The following SHLD2 variants were observed in gnomAD, a reference collection of about 807,000 sequenced individuals.
SHLD2 encodes the protein RINN1-REV7-interacting novel NHEJ regulator 2.
A neutral mutation model predicts 73.2 loss-of-function variants in SHLD2; 30 were observed. The ratio of observed to expected loss-of-function variants is 0.41; its 90% CI spans 0.31 to 0.56. The LOEUF (loss-of-function observed/expected upper bound fraction) is 0.56, where lower values mean the gene tolerates loss of function less well. SHLD2 is among the 20% of genes least tolerant of loss of function. The pLI, the probability that SHLD2 is intolerant of heterozygous loss-of-function variation, is 0.28. For synonymous variants in SHLD2, 285 were observed against 370.1 expected (o/e 0.77, Z 2.64); for missense variants, 745 against 1,055.9 (o/e 0.71, Z 4.08).
At chr10:87,099,985 G>GT (rs548671278) in intron 2 of SHLD2, among the ~76,000 whole-genome samples, 23 of 151,190 alleles carry the variant, frequency 1.5e-4, no homozygotes, top group African/African-American at 2.7e-4. Flanking sequence ...ATTTGTAAGA[G>GT]TTTTTTTTTA....
intron 7 of SHLD2, among the ~76,000 whole-genome samples, chr10:87,177,794 C>T (rs1301054604): frequency 3.3e-5 from 5 of 152,078 alleles, no homozygotes; most frequent in South Asian, 2.1e-4. Context: ...CTCATCTTAC[C>T]GCCAGCAGAA....
rs1848211792 is a variant in SHLD2, at chr10:87,180,152, C to T, written c.2248C>T (p.His750Tyr). ...ATCTCAGAAGATAGCGCTAAATGCT[C>T]ACAGTTCTCTGAAGAGTATTTTTTC... ...TASQKIALNAHSSLKSIFSSL... is the reference protein window; with the variant it reads ...TASQKIALNAYSSLKSIFSSL... The change falls in exon 8 of 10, where the codon CAC becomes TAC. Residue 750 changes from histidine to tyrosine, a missense_variant. Transcript: ENST00000298786. The T allele has an allele frequency of 1.2e-6, 2 of 1,613,844 alleles. No individual in the cohort carries two copies. The highest frequency in any genetic ancestry group is 1.3e-5 in the African/African-American group (1 of 75,012).
At chr10:87,185,743 T>C (rs1220543751) in intron 8 of SHLD2, among the ~76,000 whole-genome samples, 2 of 152,226 alleles carry the variant, frequency 1.3e-5, no homozygotes, top group Non-Finnish European at 2.9e-5. Flanking sequence ...AAGTTTTGTA[T>C]GTGGGATAAG....
At chr10:87,187,949 A>T (rs1391841182) in intron 9 of SHLD2, among the ~76,000 whole-genome samples, 1 of 151,888 alleles carries the variant, frequency 6.6e-6, no homozygotes, top group Non-Finnish European at 1.5e-5. Context: ...ACTGGTTTCA[A>T]ATTATCTTGT....
intron 2 of SHLD2, among the ~76,000 whole-genome samples, chr10:87,145,485 T>A (rs182203352): frequency 0.029 from 4,450 of 152,002 alleles, 232 homozygotes; most frequent in African/African-American, 0.1. Context: ...CAATCCCATG[T>A]GGCTTCTTTG....
At chr10:87,146,668 C>A (rs1161964336) in intron 2 of SHLD2, among the ~76,000 whole-genome samples, 1 of 151,766 alleles carries the variant, frequency 6.6e-6, no homozygotes, top group Non-Finnish European at 1.5e-5. Context: ...CAAGACAATT[C>A]TCCTTCTTCC....
At chr10:87,153,234 G>A (rs1846140988) in intron 3 of SHLD2, among the ~76,000 whole-genome samples, 1 of 152,040 alleles carries the variant, frequency 6.6e-6, no homozygotes, top group Non-Finnish European at 1.5e-5. Context: ...ACCAGCCTTG[G>A]CAACACAGAA....
intron 2 of SHLD2, among the ~76,000 whole-genome samples, chr10:87,125,028 C>T (rs1460157046): frequency 6.6e-6 from 1 of 152,120 alleles, no homozygotes. Context: ...CAGGTGTGAG[C>T]CACCATGCCT....
intron 1 of SHLD2, 32 bp from the exon 2 acceptor site, chr10:87,096,902 G>A (rs1005130459): frequency 6.6e-6 from 1 of 152,158 alleles, no homozygotes; most frequent in Non-Finnish European, 1.5e-5. Context: ...ATAAGTCATT[G>A]TCATTAATTG....
intron 3 of SHLD2, among the ~76,000 whole-genome samples, chr10:87,154,650 G>GAATC (rs1846266861): frequency 6.6e-6 from 1 of 152,014 alleles, no homozygotes; most frequent in Non-Finnish European, 1.5e-5. Flanking sequence ...CAAAATGCTA[G>GAATC]GATTACAAGT....
intron 2 of SHLD2, among the ~76,000 whole-genome samples, chr10:87,098,435 C>T (rs1267174198): frequency 3.3e-5 from 5 of 151,564 alleles, no homozygotes; most frequent in African/African-American, 1.2e-4. Flanking sequence ...ATTGCTTGAA[C>T]CTGGGAGGCG....
At chr10:87,160,552 G>A (rs1279355460) in intron 4 of SHLD2, among the ~76,000 whole-genome samples, 2 of 152,156 alleles carry the variant, frequency 1.3e-5, no homozygotes, top group African/African-American at 4.8e-5. Context: ...CAATAAAATA[G>A]ATACTTAGTC....
intron 3 of SHLD2, 72 bp from the exon 4 acceptor site, chr10:87,157,976 T>C (rs1840282878): frequency 7.5e-7 from 1 of 1,325,918 alleles, no homozygotes; most frequent in African/African-American, 1.4e-5. Flanking sequence ...CATAGTATTT[T>C]GTTGTGACTA....
intron 4 of SHLD2, among the ~76,000 whole-genome samples, chr10:87,158,848 A>T (rs1846617757): frequency 6.6e-6 from 1 of 152,178 alleles, no homozygotes; most frequent in East Asian, 1.9e-4. Context: ...TGGCCCTCTT[A>T]CTTCCAGTCT....
chr10:87,142,681 G>T (rs546294731), intron 2 of SHLD2, among the ~76,000 whole-genome samples: 1 of 152,214 alleles, frequency 6.6e-6, no homozygotes, highest in South Asian at 2.1e-4. Context: ...TTGGCCTGGG[G>T]AATTGGGATA....
At chr10:87,186,125 T>C in intron 8 of SHLD2, among the ~76,000 whole-genome samples, 1 of 152,138 alleles carries the variant, frequency 6.6e-6, no homozygotes, top group Non-Finnish European at 1.5e-5. Context: ...TCAGTTTATA[T>C]TTGTTGAAAT....
At chr10:87,173,571 A>G (rs1229813825) in intron 6 of SHLD2, among the ~76,000 whole-genome samples, 9 of 152,266 alleles carry the variant, frequency 5.9e-5, no homozygotes, top group African/African-American at 1.9e-4. Context: ...GTTTGTGCCA[A>G]TATAAATTTC....
intron 2 of SHLD2, among the ~76,000 whole-genome samples, chr10:87,102,881 T>A (rs907634906): frequency 2.0e-5 from 3 of 152,004 alleles, no homozygotes; most frequent in Non-Finnish European, 4.4e-5. Flanking sequence ...TTAAAGAGAT[T>A]ACTTTTTCTG....
chr10:87,101,619 A>G (rs1203722169), intron 2 of SHLD2, among the ~76,000 whole-genome samples: 4 of 152,192 alleles, frequency 2.6e-5, no homozygotes, highest in Non-Finnish European at 5.9e-5. Flanking sequence ...TCGAATTACA[A>G]TAGTTTAGGC....
Sources: gnomAD v4.1 joint callset for allele counts (sites outside exome capture counted in the v4.1 genomes callset) on GRCh38, gnomAD v4.1.1 for gene constraint, MANE v1.5 for transcripts, NCBI Gene and HGNC (gene_info 2026-07-23, HGNC 2026-07-21) for gene names.